ZNF878: variants seen among roughly 807,000 people sequenced by gnomAD.
The protein encoded by ZNF878 is zinc finger protein 878.
In ZNF878, 10 loss-of-function variants were observed where a neutral mutation model predicts 11.1. That is an observed-to-expected ratio of 0.90 (90% CI 0.56 to 1.53). ZNF878 has a LOEUF of 1.53. Among genes scored for constraint, ZNF878 ranks in the 40% most tolerant of loss-of-function variants. The pLI, the probability that ZNF878 is intolerant of heterozygous loss-of-function variation, is 0.00. For missense variants in ZNF878, 548 were observed against 626.1 expected, an observed-to-expected ratio of 0.88 and a Z score of 1.33; for synonymous variants, 165 against 209.7, an observed-to-expected ratio of 0.79 and a Z score of 1.84.
chr19:12,046,344 T>C, intron 3 of ZNF878, 24 bp downstream of exon 3: 2 of 1,515,322 alleles, frequency 1.3e-6, no homozygotes, highest in Non-Finnish European at 1.8e-6. Context: ...AGAGACATTG[T>C]TTTCTCTTTT....
intron 1 of ZNF878, among the ~76,000 whole-genome samples, chr19:12,048,890 G>T (rs1406339689): frequency 1.3e-5 from 2 of 150,914 alleles, no homozygotes; most frequent in African/African-American, 4.9e-5. Context: ...TGGGCGCGGT[G>T]CCTCAGCACT....
chr19:12,046,088 G>T (rs1237690859), intron 3 of ZNF878: 6 of 367,590 alleles, frequency 1.6e-5, no homozygotes, highest in Non-Finnish European at 2.9e-5. Context: ...TTAGTTTTGA[G>T]TCAGGGTCTC....
At chr19:12,043,671 G>T, downstream of ZNF878, 2 of 835,140 alleles carry the variant, frequency 2.4e-6, no homozygotes, top group Non-Finnish European at 3.6e-6. Flanking sequence ...AACCTCTTCA[G>T]CTTAAGCAAT....
In ZNF878 at chr19:12,044,549, C is replaced by G; in HGVS notation, c.852G>C (p.Glu284Asp). Residue 284 changes from glutamate to aspartate, a missense_variant, in exon 4 of 4, where the codon GAG becomes GAC. Physicochemically the swap from Glu to Asp is conservative, Grantham distance 45. Around this residue, in one of 3 missense-constraint regions of ZNF878, gnomAD observed 335 missense variants for 358.2 expected, o/e 0.94. Transcript: ENST00000547628. ...ERTHSGEKPY[E>D]CTQCRKAFRS... The stretch of plus-strand genomic sequence containing the variant: ...TGAAGGCTTTCCTACATTGTGTACA[C>G]TCATAGGGTTTCTCTCCACTGTGAG... 3.1e-6 allele frequency: 5 copies of G among 1,613,660 alleles called. No homozygotes were observed. The highest frequency in any genetic ancestry group is 4.2e-6 in the Non-Finnish European group (5 of 1,179,928).
intron 1 of ZNF878, among the ~76,000 whole-genome samples, chr19:12,052,159 T>G (rs1975557801): frequency 6.6e-6 from 1 of 152,190 alleles, no homozygotes; most frequent in African/African-American, 2.4e-5. Flanking sequence ...ATCATTTTCC[T>G]GCAATTCCTG....
intron 3 of ZNF878, among the ~76,000 whole-genome samples, 186 bp from the exon 4 acceptor site, chr19:12,045,395 C>G (rs1376178426): frequency 1.3e-5 from 2 of 152,148 alleles, no homozygotes; most frequent in Non-Finnish European, 2.9e-5. Flanking sequence ...CGCCTGTAAT[C>G]CCAGCACTTT....
chr19:12,052,132 C>G (rs901843968), intron 1 of ZNF878, among the ~76,000 whole-genome samples: 3 of 152,184 alleles, frequency 2.0e-5, no homozygotes, highest in Non-Finnish European at 4.4e-5. Context: ...GAACTTACAC[C>G]TTCCCGGCAC....
At chr19:12,049,487 A>C (rs1242300350) in intron 1 of ZNF878, among the ~76,000 whole-genome samples, 2 of 150,364 alleles carry the variant, frequency 1.3e-5, no homozygotes, top group African/African-American at 4.9e-5. Flanking sequence ...AAAAAGAATA[A>C]CAGGCCGGGC....
In ZNF878 at chr19:12,044,842, G is replaced by A. The variant is rs748833064; in HGVS notation, c.559C>T (p.Arg187Cys). The A allele has an allele frequency of 1.8e-5, 29 of 1,613,816 alleles. No individual in the cohort carries two copies. The highest frequency in any genetic ancestry group is 1.2e-4 in the Admixed American group (7 of 59,970). Residue 187 changes from arginine to cysteine, a missense_variant, in exon 4 of 4, where the codon CGT becomes TGT. By Grantham distance (180) the Arg-to-Cys change is radical (BLOSUM62 -3). Transcript: ENST00000547628. The stretch of plus-strand genomic sequence containing the variant: ...GCAGAGTGGATTCTTTCATGTCTAC[G>A]AACAGAACTGGGAAAACTGAATGCT... ...GKAFSFPSSVRRHERIHSAKK... is the reference protein window; with the variant it reads ...GKAFSFPSSVCRHERIHSAKK...
chr19:12,051,165 C>G (rs1392750123), intron 1 of ZNF878, among the ~76,000 whole-genome samples: 1 of 136,160 alleles, frequency 7.3e-6, no homozygotes, highest in East Asian at 2.2e-4. Flanking sequence ...TTTTAAAGTC[C>G]TGGGCCGGGC....
chr19:12,046,484 G>C (rs1194426636), intron 2 of ZNF878, 56 bp from the exon 3 acceptor site: 19 of 1,559,274 alleles, frequency 1.2e-5, no homozygotes, highest in Non-Finnish European at 1.7e-5. Context: ...ATTTTAAAAA[G>C]TTACTTGATT....
At position 12,052,891 on chromosome 19, in the gene ZNF878, G is replaced by A; in HGVS notation, c.-90C>T. ...CAGTCGACAGAGCAACAGCAGCTAC[G>A]GCGGAAGTAACTGGTCCCTCTCGGA... On this transcript the variant is annotated 5_prime_UTR_variant, in exon 1 of 4. Transcript: ENST00000547628. 1 of 1,513,706 alleles carries A rather than the reference G, an allele frequency of 6.6e-7. No individual in the cohort carries two copies. Among genetic ancestry groups the A allele is most frequent in the Non-Finnish European group, 8.9e-7 (1 of 1,128,186 alleles). 93.8% of individuals were successfully genotyped at this position (1,513,706 alleles called of 1,614,324 possible). A position where few individuals can be genotyped will look rare whatever the true frequency, so the allele number is the denominator to read the frequency against.
At position 12,044,281 on chromosome 19, in the gene ZNF878, T is replaced by C. The variant is rs1383506042; in HGVS notation, c.1120A>G (p.Lys374Glu). ...AAGGAATTGGAAGAAGTGAAGGTTT[T>C]CCCACATTGTTTACATTCAAAGGGT... The part of the protein sequence containing the change: ...EKPFECKQCG[K>E]TFTSSNSFHY... Residue 374 changes from lysine to glutamate, a missense_variant, in exon 4 of 4, where the codon AAA (lysine) becomes GAA (glutamate). Lys to Glu is a moderately conservative substitution (Grantham distance 56, BLOSUM62 1). Around this residue, in one of 3 missense-constraint regions of ZNF878, gnomAD observed 335 missense variants for 358.2 expected, o/e 0.94. Coordinates refer to ENST00000547628, the MANE Select transcript of ZNF878 (RefSeq NM_001080404.3). 1 of 1,614,104 alleles carries C rather than the reference T, an allele frequency of 6.2e-7. No homozygotes were observed. The highest frequency in any genetic ancestry group is 2.2e-5 in the East Asian group (1 of 44,866).
In ZNF878 at chr19:12,052,938, A is replaced by G. The variant is rs1001201470; in HGVS notation, c.-137T>C. On this transcript the variant is annotated 5_prime_UTR_variant, in exon 1 of 4. Coordinates refer to ENST00000547628, the MANE Select transcript of ZNF878 (RefSeq NM_001080404.3). ...CGGAGCAAGAAAGCCCCAGACCTTA[A>G]CTAGCGCGAGCAGCCCTAGGAGTGA... is the stretch of plus-strand genomic sequence containing the variant. The G allele has an allele frequency of 1.4e-6, 2 of 1,383,860 alleles. No individual in the cohort carries two copies. The highest frequency in any genetic ancestry group is 2.0e-6 in the Non-Finnish European group (2 of 1,023,190). 85.7% of individuals were successfully genotyped at this position (1,383,860 alleles called of 1,614,324 possible).
Position 12,043,901 on chromosome 19 carries a change from A to G in ZNF878, c.1500T>C (p.Ile500=). ...SSNSFLYHER[I]HTGEKPYECK... ...ACTCATAGGGTTTCTCTCCAGTATG[A>G]ATCCTTTCATGGTAGAGAAAAGAGT... Residue 500 remains isoleucine (I), a synonymous_variant, in exon 4 of 4, where the codon ATT becomes ATC. Coordinates refer to ENST00000547628, the MANE Select transcript of ZNF878 (RefSeq NM_001080404.3). 2.5e-6 allele frequency: 4 copies of G among 1,614,068 alleles called. No individual in the cohort carries two copies. Among genetic ancestry groups the G allele is most frequent in the Non-Finnish European group, 3.4e-6 (4 of 1,179,992 alleles).
At chr19:12,045,635 A>G (rs2145521224) in intron 3 of ZNF878, among the ~76,000 whole-genome samples, 1 of 144,864 alleles carries the variant, frequency 6.9e-6, no homozygotes, top group East Asian at 1.9e-4. Context: ...TGACAGAGCG[A>G]GACACTGTCT....
At position 12,044,588 on chromosome 19, in the gene ZNF878, T is replaced by C. The variant is rs1349980906; in HGVS notation, c.813A>G (p.Gln271=). 6.2e-7 allele frequency: 1 copy of C among 1,613,960 alleles called. No individual in the cohort carries two copies. Among genetic ancestry groups the C allele is most frequent in the Non-Finnish European group, 8.5e-7 (1 of 1,180,020 alleles). Residue 271 remains glutamine (Q), a synonymous_variant, in exon 4 of 4, where the codon CAA becomes CAG. Transcript: ENST00000547628. ...DKAFNCPSSF[Q]YHERTHSGEK... is the part of the protein sequence containing the mutation. ...CTCCACTGTGAGTCCTTTCATGATA[T>C]TGAAAGGAACTGGGACAATTGAAGG... is the stretch of plus-strand genomic sequence containing the variant.
At chr19:12,050,889 T>C (rs1975543288) in intron 1 of ZNF878, among the ~76,000 whole-genome samples, 1 of 147,970 alleles carries the variant, frequency 6.8e-6, no homozygotes, top group Non-Finnish European at 1.5e-5. Context: ...GGTCAGGAGA[T>C]CGAGACCATC....
chr19:12,049,460 CAAAAAAAAA>C (rs59577895), intron 1 of ZNF878, among the ~76,000 whole-genome samples: 3 of 36,036 alleles, frequency 8.3e-5, no homozygotes, highest in East Asian at 1.1e-3. Flanking sequence ...GACTCCCTCT[CAAAAAAAAA>C]AAAAAAAAAA....
Sources: gnomAD v4.1 joint callset for allele counts (sites outside exome capture counted in the v4.1 genomes callset) on GRCh38, gnomAD v4.1.1 for gene constraint, gnomAD v4.1.1 regional missense constraint, MANE v1.5 for transcripts, NCBI Gene and HGNC (gene_info 2026-07-23, HGNC 2026-07-21) for gene names.